Variants in SLC9A7 observed in about 807,000 individuals in gnomAD.
SLC9A7 encodes the protein sodium/hydrogen exchanger 7.
In SLC9A7, 19 loss-of-function variants were observed where a neutral mutation model predicts 52.6. The observed-to-expected ratio is 0.36, with a 90% CI of 0.25 to 0.53. The LOEUF (loss-of-function observed/expected upper bound fraction) is 0.53, where lower values mean the gene tolerates loss of function less well. SLC9A7 is among the 20% of genes least tolerant of loss of function. The pLI is 0.91. For synonymous variants in SLC9A7, 226 were observed against 252.1 expected (o/e 0.90, Z 0.98); for missense variants, 455 against 597.9 (o/e 0.76, Z 2.49).
chrX:46,741,999 A>G (rs1921386047), intron 1 of SLC9A7, among the ~76,000 whole-genome samples: 1 of 111,977 alleles, frequency 8.9e-6, no homozygotes, highest in Non-Finnish European at 1.9e-5. Context: ...TTCACCAAAA[A>G]GGATATATAA....
intron 1 of SLC9A7, among the ~76,000 whole-genome samples, chrX:46,705,644 G>A (rs1208317753): frequency 1.8e-5 from 2 of 111,527 alleles, no homozygotes; most frequent in African/African-American, 6.5e-5. Flanking sequence ...AGCCTAGCCT[G>A]GGCAACACAG....
Position 46,604,804 on chromosome X carries a change from C to A in SLC9A7, c.*2148G>T, listed in dbSNP as rs895164908. 4 of 112,513 alleles carry A rather than the reference C, an allele frequency of 3.6e-5. No individual in the cohort carries two copies. Among genetic ancestry groups the A allele is most frequent in the African/African-American group, 1.3e-4 (4 of 30,974 alleles). 9.3% of individuals were successfully genotyped at this position (112,513 alleles called of 1,213,427 possible). A position where few individuals can be genotyped will look rare whatever the true frequency, so the allele number is the denominator to read the frequency against. On this transcript the variant is annotated 3_prime_UTR_variant, in exon 17 of 17. Transcript: ENST00000616978. The stretch of plus-strand genomic sequence containing the variant: ...CAAAATGGTCGAATATCAGCAAACT[C>A]ATATGGCTCAACCTAATTAAATACG...
At chrX:46,674,853 T>C (rs1944084484) in intron 3 of SLC9A7, among the ~76,000 whole-genome samples, 1 of 111,427 alleles carries the variant, frequency 9.0e-6, no homozygotes. Flanking sequence ...TCTTCAAAAA[T>C]ATAAGCCCAA....
intron 1 of SLC9A7, among the ~76,000 whole-genome samples, chrX:46,734,497 A>G (rs1945091728): frequency 8.9e-6 from 1 of 112,079 alleles, no homozygotes; most frequent in Non-Finnish European, 1.9e-5. Context: ...TAACATTTCA[A>G]TCTTTGTTTT....
At chrX:46,656,508 A>C (rs1943695868) in intron 7 of SLC9A7, among the ~76,000 whole-genome samples, 1 of 112,023 alleles carries the variant, frequency 8.9e-6, no homozygotes, top group African/African-American at 3.2e-5. Flanking sequence ...TAGAATAACC[A>C]ATACAGAGAA....
At chrX:46,662,384 C>A (rs781460274) in intron 6 of SLC9A7, among the ~76,000 whole-genome samples, 154 bp downstream of exon 6, 1 of 111,720 alleles carries the variant, frequency 9.0e-6, no homozygotes, top group African/African-American at 3.2e-5. Context: ...GCTGGGCACA[C>A]AAAGCAACGT....
intron 13 of SLC9A7, 94 bp downstream of exon 13, chrX:46,635,495 G>A: frequency 1.4e-6 from 1 of 709,763 alleles, no homozygotes; most frequent in Non-Finnish European, 2.2e-6. Flanking sequence ...ACGCAGGAAG[G>A]AAGAGAAAAA....
At chrX:46,655,184 G>A (rs1024581831) in intron 7 of SLC9A7, among the ~76,000 whole-genome samples, 13 of 109,430 alleles carry the variant, frequency 1.2e-4, no homozygotes, top group East Asian at 1.1e-3. Flanking sequence ...AGGGTTTCAC[G>A]ATGTTGGCCA....
intron 13 of SLC9A7, among the ~76,000 whole-genome samples, chrX:46,632,077 A>G (rs1034587563): frequency 1.8e-5 from 2 of 112,029 alleles, no homozygotes; most frequent in African/African-American, 6.5e-5. Flanking sequence ...GGAGATGTTG[A>G]AAGACTTTAG....
intron 1 of SLC9A7, among the ~76,000 whole-genome samples, chrX:46,709,050 C>T (rs1944648684): frequency 9.0e-6 from 1 of 110,872 alleles, no homozygotes; most frequent in Non-Finnish European, 1.9e-5. Flanking sequence ...CAGGCAGTGT[C>T]GTGGGATGTG....
At chrX:46,695,329 A>T (rs1047881757) in intron 1 of SLC9A7, among the ~76,000 whole-genome samples, 1 of 112,656 alleles carries the variant, frequency 8.9e-6, no homozygotes, top group Non-Finnish European at 1.9e-5. Context: ...TGAGAACTGA[A>T]CTGATGTAAG....
intron 12 of SLC9A7, among the ~76,000 whole-genome samples, chrX:46,637,956 A>G (rs953325791): frequency 3.6e-5 from 4 of 112,060 alleles, no homozygotes; most frequent in Non-Finnish European, 7.5e-5. Flanking sequence ...AGTAAGAAAC[A>G]CAGCTAACTC....
At chrX:46,654,675 G>A (rs553805026) in intron 7 of SLC9A7, among the ~76,000 whole-genome samples, 1 of 110,107 alleles carries the variant, frequency 9.1e-6, no homozygotes, top group East Asian at 2.8e-4. Context: ...CCTAAGGAAG[G>A]CACAGGAAAG....
At chrX:46,748,570 C>T (rs1168545859) in intron 1 of SLC9A7, among the ~76,000 whole-genome samples, 15 of 60,651 alleles carry the variant, frequency 2.5e-4, no homozygotes, top group African/African-American at 9.2e-4. Context: ...TGCGTGTACA[C>T]ACACACACAC....
chrX:46,750,552 G>A (rs781880995), intron 1 of SLC9A7, among the ~76,000 whole-genome samples: 15 of 111,176 alleles, frequency 1.3e-4, no homozygotes, highest in African/African-American at 3.6e-4. Flanking sequence ...GTTTTGCCAC[G>A]TTGCCCAGGC....
At chrX:46,757,644 C>T (rs1556293415) in intron 1 of SLC9A7, among the ~76,000 whole-genome samples, 1 of 112,079 alleles carries the variant, frequency 8.9e-6, no homozygotes, top group East Asian at 2.8e-4. Flanking sequence ...CATGAAGTGG[C>T]TCGTCTATTT....
chrX:46,714,640 T>C (rs1427317651), intron 1 of SLC9A7, among the ~76,000 whole-genome samples: 2 of 112,333 alleles, frequency 1.8e-5, no homozygotes, highest in Non-Finnish European at 3.8e-5. Flanking sequence ...GATCCTACTA[T>C]GTCCCAGGCA....
chrX:46,744,101 C>T (rs773422005), intron 1 of SLC9A7, among the ~76,000 whole-genome samples: 2 of 112,758 alleles, frequency 1.8e-5, no homozygotes, highest in Non-Finnish European at 3.7e-5. Context: ...TCCATTCCCA[C>T]GGTTACCTCT....
intron 1 of SLC9A7, among the ~76,000 whole-genome samples, chrX:46,696,831 T>A (rs1261622356): frequency 1.8e-5 from 2 of 112,110 alleles, no homozygotes. Flanking sequence ...TAAGGTACTA[T>A]GACTATTCCT....
Sources: gnomAD v4.1 joint callset for allele counts (sites outside exome capture counted in the v4.1 genomes callset) on GRCh38, gnomAD v4.1.1 for gene constraint, MANE v1.5 for transcripts, NCBI Gene and HGNC (gene_info 2026-07-23, HGNC 2026-07-21) for gene names.